ZNF568: variants seen among roughly 807,000 people sequenced by gnomAD.
The protein encoded by ZNF568 is p53 inhibitor of SCO2 activation.
Under a neutral mutation model 18.1 loss-of-function variants are expected in ZNF568, and 11 were observed. The ratio of observed to expected loss-of-function variants is 0.61; its 90% CI spans 0.38 to 1.00. The LOEUF is 1.00. Among genes scored for constraint, ZNF568 ranks in the 50% least tolerant of loss-of-function variants. The pLI is 0.01. For synonymous variants in ZNF568, 213 were observed against 246.6 expected (o/e 0.86, Z 1.28); for missense variants, 639 against 768.2 (o/e 0.83, Z 1.99).
chr19:36,995,569 TGTG>T (rs2074463191), intron 4 of ZNF568, among the ~76,000 whole-genome samples: 1 of 152,216 alleles, frequency 6.6e-6, no homozygotes, highest in African/African-American at 2.4e-5. Context: ...CAATTGGTAT[TGTG>T]GTATTTGTTT....
intron 2 of ZNF568, among the ~76,000 whole-genome samples, chr19:36,987,988 CT>C (rs1008461619): frequency 1.8e-4 from 27 of 152,198 alleles, no homozygotes; most frequent in Admixed American, 1.4e-3. Context: ...CTTGCTTTTT[CT>C]TCCTTTTTTG....
chr19:36,958,451 G>C (rs553327083), intron 6 of ZNF568, among the ~76,000 whole-genome samples: 5 of 151,804 alleles, frequency 3.3e-5, no homozygotes, highest in Non-Finnish European at 5.9e-5. Flanking sequence ...ATAGATACAG[G>C]CCTGTTTGGA....
Position 36,965,333 on chromosome 19 carries a change from T to TA in ZNF568, c.359-9086dup, listed in dbSNP as rs528511353. ...TGTATCATAAATATGGCCAGTGAGATACAAGCAAAAATATTTGGGGGTAAT... is the reference window on the plus strand; with the variant it reads ...TGTATCATAAATATGGCCAGTGAGATAACAAGCAAAAATATTTGGGGGTAAT... On this transcript the variant is annotated intron_variant, in intron 6 of 7. Coordinates refer to the ZNF568 transcript ENST00000427117. 2.9e-4 allele frequency among the ~76,000 whole-genome samples: 44 copies of TA among 151,980 alleles called. 1 individual carries two copies. The South Asian group carries it at 7.7e-3, about 27-fold the overall frequency.
chr19:36,966,736 C>T (rs1205503129), intron 6 of ZNF568, among the ~76,000 whole-genome samples: 1 of 152,202 alleles, frequency 6.6e-6, no homozygotes, highest in Non-Finnish European at 1.5e-5. Flanking sequence ...TTTCCTTGCT[C>T]TTGCTTCATG....
chr19:36,927,418 T>C (rs1600773075), intron 4 of ZNF568, among the ~76,000 whole-genome samples: 1 of 152,184 alleles, frequency 6.6e-6, no homozygotes, highest in East Asian at 1.9e-4. Flanking sequence ...GAATTATCTT[T>C]GCATGTAGAA....
intron 7 of ZNF568, chr19:36,978,857 C>G (rs1445569389): frequency 8.9e-6 from 2 of 223,512 alleles, no homozygotes; most frequent in African/African-American, 4.8e-5. Context: ...CTCACCACCC[C>G]TTTCTCTGGG....
At chr19:36,957,271 G>A (rs565346652), downstream of ZNF568, among the ~76,000 whole-genome samples, 122 of 118,476 alleles carry the variant, frequency 1.0e-3, no homozygotes, top group African/African-American at 3.7e-3. Flanking sequence ...CTGCTCTGTC[G>A]CCCAGGCTGG....
Position 36,951,330 on chromosome 19 carries a change from C to A in ZNF568, c.*242C>A, listed in dbSNP as rs1288250396. 3 of 331,818 alleles carry A rather than the reference C, an allele frequency of 9.0e-6. No homozygotes were observed. Among genetic ancestry groups the A allele is most frequent in the Non-Finnish European group, 1.1e-5 (2 of 186,408 alleles). 20.6% of individuals were successfully genotyped at this position (331,818 alleles called of 1,614,324 possible). A position where few individuals can be genotyped will look rare whatever the true frequency, so the allele number is the denominator to read the frequency against. On this transcript the variant is annotated 3_prime_UTR_variant, in exon 7 of 7. Transcript: ENST00000333987. ...AAATCAACTAAGAATTTTCTAGGAT[C>A]TTTCAAAAATGATTATAAAATTCAT...
At chr19:36,994,210 A>G (rs947882860) in intron 4 of ZNF568, among the ~76,000 whole-genome samples, 2 of 152,010 alleles carry the variant, frequency 1.3e-5, no homozygotes, top group African/African-American at 4.8e-5. Context: ...ACGTTTGTGA[A>G]TTTCCCAGAT....
At chr19:36,928,807 C>T (rs1460680048) in intron 4 of ZNF568, among the ~76,000 whole-genome samples, 1 of 152,014 alleles carries the variant, frequency 6.6e-6, no homozygotes, top group Non-Finnish European at 1.5e-5. Context: ...ATGTGGTGTA[C>T]ATGGGAGAAT....
exon 8 of ZNF568, chr19:36,979,298 A>T (rs1423033142): frequency 6.3e-6 from 1 of 157,562 alleles, no homozygotes; most frequent in Non-Finnish European, 1.4e-5. Context: ...CTGTCTTTTT[A>T]AAACTGCTTT....
chr19:36,960,418 A>G (rs2074140192), intron 6 of ZNF568, among the ~76,000 whole-genome samples: 1 of 152,052 alleles, frequency 6.6e-6, no homozygotes, highest in African/African-American at 2.4e-5. Context: ...GTGCCCAGCT[A>G]ACTTTTTTGA....
chr19:36,929,811 A>G (rs1249408710), intron 4 of ZNF568, among the ~76,000 whole-genome samples: 1 of 151,944 alleles, frequency 6.6e-6, no homozygotes, highest in Non-Finnish European at 1.5e-5. Context: ...TGATTGTGGC[A>G]CTGCTCCAGC....
chr19:36,986,001 G>A (rs1262956782), intron 2 of ZNF568, among the ~76,000 whole-genome samples: 2 of 152,148 alleles, frequency 1.3e-5, no homozygotes, highest in African/African-American at 4.8e-5. Flanking sequence ...CCTGATTGAA[G>A]GTTGTTCCTC....
chr19:36,951,257 T>C lies in ZNF568; in HGVS notation c.*169T>C, dbSNP rs2074056226. The C allele has an allele frequency of 9.2e-6, 5 of 544,666 alleles. No homozygotes were observed. The South Asian group carries it at 3.7e-4, about 40-fold the overall frequency. 33.7% of individuals were successfully genotyped at this position (544,666 alleles called of 1,614,324 possible). On this transcript the variant is annotated 3_prime_UTR_variant, in exon 7 of 7. Transcript: ENST00000333987. The stretch of plus-strand genomic sequence containing the variant: ...ACATAGATGGAAAAACCCAGTATTA[T>C]AAAAACCTCAATTCTGAAAATCTAT...
At chr19:36,924,122 T>G (rs1337170913) in intron 3 of ZNF568, among the ~76,000 whole-genome samples, 1 of 152,206 alleles carries the variant, frequency 6.6e-6, no homozygotes, top group Non-Finnish European at 1.5e-5. Flanking sequence ...AAATCAAGTT[T>G]TTTAAAAATG....
At chr19:36,932,387 A>G (rs531521516) in intron 4 of ZNF568, among the ~76,000 whole-genome samples, 28 of 152,312 alleles carry the variant, frequency 1.8e-4, no homozygotes, top group African/African-American at 6.5e-4. Flanking sequence ...CAGGAGTTCA[A>G]GACCCACCTG....
At chr19:36,952,876 T>C (rs955681814), downstream of ZNF568, 3 of 169,946 alleles carry the variant, frequency 1.8e-5, no homozygotes, top group East Asian at 1.9e-4. Context: ...AAAATCTCTC[T>C]AGAAAATTAG....
chr19:36,991,568 C>G (rs2074424776), intron 3 of ZNF568: 1 of 621,586 alleles, frequency 1.6e-6, no homozygotes, highest in Non-Finnish European at 2.6e-6. Flanking sequence ...TAAGTGGAAT[C>G]ACATATTGCA....
Sources: allele counts gnomAD v4.1 joint callset (sites outside exome capture counted in the v4.1 genomes callset), GRCh38; gene constraint gnomAD v4.1.1; transcripts MANE v1.5; gene names NCBI Gene and HGNC (gene_info 2026-07-23, HGNC 2026-07-21).